The following TAF3 variants were observed in gnomAD, a reference collection of about 807,000 sequenced individuals.
The protein encoded by TAF3 is TATA-box binding protein associated factor 3, also known as transcription initiation factor TFIID subunit 3.
In TAF3, 7 loss-of-function variants were observed where a neutral mutation model predicts 80.6. That is an observed-to-expected ratio of 0.09 (90% confidence interval 0.05 to 0.16). TAF3 has a LOEUF of 0.16. Ranked by LOEUF, TAF3 falls within the 10% of genes least tolerant of loss-of-function variation. The pLI, the probability that TAF3 is intolerant of heterozygous loss-of-function variation, is 1.00. For synonymous variants in TAF3, 444 were observed against 446.1 expected (o/e 1.00, Z 0.06); for missense variants, 921 against 1,140.2 (o/e 0.81, Z 2.77).
intron 3 of TAF3, among the ~76,000 whole-genome samples, chr10:7,972,902 TATC>T (rs1260390144): frequency 6.6e-6 from 1 of 152,172 alleles, no homozygotes; most frequent in Admixed American, 6.5e-5. Flanking sequence ...CACAAATATT[TATC>T]ATAAGAGATA....
At chr10:7,840,088 T>A (rs912648201) in intron 2 of TAF3, among the ~76,000 whole-genome samples, 14 of 149,446 alleles carry the variant, frequency 9.4e-5, no homozygotes, top group Admixed American at 2.0e-4. Flanking sequence ...GATTGAAAAA[T>A]TTTTTTTTTA....
chr10:7,897,173 G>T (rs1303422635), intron 2 of TAF3, among the ~76,000 whole-genome samples: 1 of 152,214 alleles, frequency 6.6e-6, no homozygotes, highest in Non-Finnish European at 1.5e-5. Flanking sequence ...TCTCGCTTGT[G>T]CATCATCATC....
chr10:7,860,821 A>G (rs1334232864), intron 2 of TAF3, among the ~76,000 whole-genome samples: 1 of 149,946 alleles, frequency 6.7e-6, no homozygotes. Flanking sequence ...TTTTTTTGAA[A>G]TAGAGTCTCG....
Position 7,965,736 on chromosome 10 carries a change from T to A in TAF3, c.2226T>A (p.His742Gln). Residue 742 changes from histidine (H) to glutamine (Q), a missense_variant, in exon 3 of 7, where the codon CAT becomes CAA. By Grantham distance (24) the His-to-Gln change is conservative. Around this residue, in one of 6 missense-constraint regions of TAF3, gnomAD observed 743 missense variants for 821.0 expected, o/e 0.90. Coordinates refer to ENST00000344293, the MANE Select transcript of TAF3 (RefSeq NM_031923.4). ...AAAAAGAGAAGGAGAAACACAAGCA[T>A]GAAAAAGTAAGCAGTTTCTCATTTT... ...KREKEKEKHK[H>Q]EKIKVEPVAL... 1 of 1,532,280 alleles carries A rather than the reference T, an allele frequency of 6.5e-7. No homozygotes were observed. Among genetic ancestry groups the A allele is most frequent in the South Asian group, 1.4e-5 (1 of 73,114 alleles). 94.9% of individuals were successfully genotyped at this position (1,532,280 alleles called of 1,614,324 possible). A position where few individuals can be genotyped will look rare whatever the true frequency, so the allele number is the denominator to read the frequency against.
chr10:7,986,280 G>A (rs1831776454), intron 4 of TAF3, among the ~76,000 whole-genome samples: 1 of 152,130 alleles, frequency 6.6e-6, no homozygotes, highest in African/African-American at 2.4e-5. Flanking sequence ...TCAAGAGTCA[G>A]ACTAATCTGC....
chr10:7,940,213 G>GTAA (rs1472190262), intron 2 of TAF3, among the ~76,000 whole-genome samples: 2 of 152,282 alleles, frequency 1.3e-5, no homozygotes, highest in Middle Eastern at 3.4e-3. Context: ...CACGCTGTTA[G>GTAA]GTCAGAGGGT....
intron 2 of TAF3, among the ~76,000 whole-genome samples, chr10:7,865,002 G>A (rs1837195760): frequency 6.6e-6 from 1 of 152,110 alleles, no homozygotes; most frequent in African/African-American, 2.4e-5. Flanking sequence ...ACCATTTGTT[G>A]AATTCCATTG....
intron 2 of TAF3, among the ~76,000 whole-genome samples, chr10:7,871,435 CTTTTTTTTT>C (rs527356726): frequency 1.7e-4 from 12 of 69,120 alleles, no homozygotes; most frequent in South Asian, 5.2e-4. Context: ...ATAACTGCTG[CTTTTTTTTT>C]TTTTTTTTTT....
intron 2 of TAF3, among the ~76,000 whole-genome samples, chr10:7,873,624 C>CT (rs534485372): frequency 0.2 from 29,021 of 143,584 alleles, 3,825 homozygotes; most frequent in Middle Eastern, 0.28. Context: ...TTCTCCCCCC[C>CT]CCCCCGTCAA....
intron 2 of TAF3, among the ~76,000 whole-genome samples, chr10:7,844,178 T>C (rs187800743): frequency 3.3e-5 from 5 of 152,302 alleles, no homozygotes; most frequent in African/African-American, 1.2e-4. Context: ...ACAGAATTTC[T>C]TTTAATAAAG....
chr10:7,989,700 A>G (rs80232189), intron 4 of TAF3, among the ~76,000 whole-genome samples: 4,478 of 152,280 alleles, frequency 0.029, 239 homozygotes, highest in African/African-American at 0.1. Flanking sequence ...TGATCTACCA[A>G]TATTTCCCAT....
intron 2 of TAF3, among the ~76,000 whole-genome samples, chr10:7,859,401 G>A (rs768693552): frequency 3.0e-4 from 45 of 152,102 alleles, no homozygotes; most frequent in African/African-American, 1.0e-3. Flanking sequence ...GGAGGGCAGC[G>A]GGGATTTCTG....
chr10:7,889,291 A>G (rs1482286589), intron 2 of TAF3, among the ~76,000 whole-genome samples: 1 of 152,198 alleles, frequency 6.6e-6, no homozygotes, highest in African/African-American at 2.4e-5. Flanking sequence ...TCTCAGCTGT[A>G]CAGATATCTT....
intron 2 of TAF3, among the ~76,000 whole-genome samples, chr10:7,912,794 G>A (rs1235937238): frequency 2.0e-5 from 3 of 152,140 alleles, no homozygotes; most frequent in Non-Finnish European, 4.4e-5. Flanking sequence ...GGACCTCTGT[G>A]GCTGTAGAAA....
chr10:7,838,238 AAT>A (rs1382142094), intron 2 of TAF3, among the ~76,000 whole-genome samples: 1 of 152,170 alleles, frequency 6.6e-6, no homozygotes, highest in African/African-American at 2.4e-5. Flanking sequence ...ACTGGTGTTG[AAT>A]ATAGAGAGAT....
At chr10:7,924,884 G>T (rs1837800521) in intron 2 of TAF3, among the ~76,000 whole-genome samples, 1 of 152,026 alleles carries the variant, frequency 6.6e-6, no homozygotes, top group South Asian at 2.1e-4. Context: ...TAAAACGTAA[G>T]TTGTTTAGAA....
intron 2 of TAF3, among the ~76,000 whole-genome samples, chr10:7,922,457 C>G (rs1256422730): frequency 6.6e-6 from 1 of 151,972 alleles, no homozygotes; most frequent in Non-Finnish European, 1.5e-5. Context: ...AAGTGATATT[C>G]CAAATAGCAA....
chr10:7,978,608 C>T (rs1310154944), intron 4 of TAF3, among the ~76,000 whole-genome samples: 1 of 152,148 alleles, frequency 6.6e-6, no homozygotes, highest in Admixed American at 6.5e-5. Context: ...CCTAATGCCC[C>T]TATCTTACCT....
chr10:7,990,999 T>G (rs1407998637), intron 4 of TAF3, among the ~76,000 whole-genome samples: 7 of 152,218 alleles, frequency 4.6e-5, no homozygotes, highest in Admixed American at 4.6e-4. Context: ...CTCAGATGCC[T>G]TCAACCCTTT....
Sources: allele counts gnomAD v4.1 joint callset (sites outside exome capture counted in the v4.1 genomes callset), GRCh38; gene constraint gnomAD v4.1.1; regional missense constraint gnomAD v4.1.1; transcripts MANE v1.5; gene names NCBI Gene and HGNC (gene_info 2026-07-23, HGNC 2026-07-21).